The following DNAH9 variants were observed in gnomAD, a reference collection of about 807,000 sequenced individuals.
DNAH9 encodes DNAH9 variant protein.
In DNAH9, 345 loss-of-function variants were observed where a neutral mutation model predicts 471.6. The observed-to-expected ratio is 0.73, with a 90% CI of 0.67 to 0.80. The LOEUF (loss-of-function observed/expected upper bound fraction) is 0.80. Ranked by LOEUF, DNAH9 falls within the 30% of genes least tolerant of loss-of-function variation. DNAH9 has a pLI of 0.00. For synonymous variants in DNAH9, 2,093 were observed against 2,123.6 expected (o/e 0.99, Z 0.40); for missense variants, 5,407 against 5,609.2 (o/e 0.96, Z 1.15).
chr17:11,903,278 C>T (rs1973475992), intron 60 of DNAH9, among the ~76,000 whole-genome samples: 1 of 151,810 alleles, frequency 6.6e-6, no homozygotes, highest in African/African-American at 2.4e-5. Context: ...GCAGAGGTTG[C>T]AGTGACCCGA....
intron 28 of DNAH9, among the ~76,000 whole-genome samples, chr17:11,732,618 C>T (rs2075286882): frequency 1.4e-5 from 2 of 145,210 alleles, no homozygotes. Context: ...CACATAGCCA[C>T]TTGGGAAAAA....
At chr17:11,870,443 C>T (rs4792189) in intron 51 of DNAH9, among the ~76,000 whole-genome samples, 135,343 of 152,182 alleles carry the variant, frequency 0.89, 60,801 homozygotes, top group Non-Finnish European at 0.94. Flanking sequence ...CCAGCCACCA[C>T]TGAATTACAC....
At chr17:11,807,147 C>A (rs1597673696) in intron 43 of DNAH9, among the ~76,000 whole-genome samples, 1 of 152,002 alleles carries the variant, frequency 6.6e-6, no homozygotes, top group Non-Finnish European at 1.5e-5. Context: ...TAATAAGAAC[C>A]CACAAACCTT....
intron 17 of DNAH9, among the ~76,000 whole-genome samples, chr17:11,672,180 A>G (rs147418366): frequency 7.4e-4 from 113 of 152,100 alleles, no homozygotes; most frequent in African/African-American, 2.4e-3. Context: ...CAGAAGTCCA[A>G]CCCCCTTTTA....
Position 11,632,988 on chromosome 17 carries a change from G to A in DNAH9, c.1635+285G>A, listed in dbSNP as rs142741813. On this transcript the variant is annotated intron_variant, in intron 8 of 68. Coordinates refer to ENST00000262442, the MANE Select transcript of DNAH9 (RefSeq NM_001372.4). ...TAGGTGCCATACCTTTAGCAGTAGG[G>A]AAAGTGTGACCATGCAATACCATGG... Among the ~76,000 whole-genome samples, 524 of 152,216 alleles carry A rather than the reference G, an allele frequency of 3.4e-3. 4 individuals carry two copies. The highest frequency in any genetic ancestry group is 0.012 in the African/African-American group (483 of 41,534).
At chr17:11,946,620 C>A (rs1381656484) in intron 67 of DNAH9, among the ~76,000 whole-genome samples, 1 of 144,818 alleles carries the variant, frequency 6.9e-6, no homozygotes, top group African/African-American at 2.6e-5. Context: ...GCCAAGATGC[C>A]ACCACTGCAC....
chr17:11,820,468 C>A (rs1970269216), intron 45 of DNAH9, among the ~76,000 whole-genome samples: 2 of 151,742 alleles, frequency 1.3e-5, no homozygotes, highest in African/African-American at 4.8e-5. Flanking sequence ...ATTGACTGTC[C>A]TTGTTCGTTA....
chr17:11,900,964 T>C (rs767154774), intron 59 of DNAH9, among the ~76,000 whole-genome samples: 1 of 152,168 alleles, frequency 6.6e-6, no homozygotes, highest in Non-Finnish European at 1.5e-5. Context: ...AAAATACAGT[T>C]CCAACATCAA....
intron 63 of DNAH9, among the ~76,000 whole-genome samples, chr17:11,931,345 T>A (rs773666684): frequency 2.6e-5 from 4 of 152,214 alleles, no homozygotes; most frequent in Non-Finnish European, 5.9e-5. Context: ...GCAGGTTATT[T>A]GAGATGGGCC....
chr17:11,733,490 C>T (rs910768260), intron 28 of DNAH9, among the ~76,000 whole-genome samples: 3 of 152,140 alleles, frequency 2.0e-5, no homozygotes, highest in Admixed American at 6.5e-5. Context: ...TATGGTCAGA[C>T]GGGCACACAA....
At chr17:11,801,781 G>A (rs899567192) in intron 43 of DNAH9, among the ~76,000 whole-genome samples, 2 of 152,086 alleles carry the variant, frequency 1.3e-5, no homozygotes, top group African/African-American at 4.8e-5. Context: ...TCATAGTCTT[G>A]GAATTGAGGC....
chr17:11,766,821 G>A (rs996057908), intron 36 of DNAH9, among the ~76,000 whole-genome samples: 12 of 151,926 alleles, frequency 7.9e-5, no homozygotes, highest in African/African-American at 1.7e-4. Flanking sequence ...AAAATTAGCC[G>A]GGCTTGGGCA....
intron 7 of DNAH9, 32 bp downstream of exon 7, chr17:11,629,616 T>G: frequency 1.2e-6 from 2 of 1,601,916 alleles, no homozygotes; most frequent in Non-Finnish European, 1.7e-6. Context: ...TCGCCAGCTC[T>G]GCCTCTGTCC....
intron 49 of DNAH9, 103 bp downstream of exon 49, chr17:11,835,001 T>C: frequency 7.0e-7 from 1 of 1,433,070 alleles, no homozygotes; most frequent in Non-Finnish European, 9.3e-7. Flanking sequence ...TGGGAGAGTT[T>C]AGGGTGGGCT....
intron 67 of DNAH9, among the ~76,000 whole-genome samples, chr17:11,943,176 G>A (rs996189452): frequency 1.1e-4 from 16 of 151,944 alleles, no homozygotes; most frequent in Non-Finnish European, 1.6e-4. Flanking sequence ...TTATAGGTGT[G>A]AGCCACTGCA....
At chr17:11,679,712 A>T in intron 17 of DNAH9, 45 bp from the exon 18 acceptor site, 1 of 1,365,448 alleles carries the variant, frequency 7.3e-7, no homozygotes, top group African/African-American at 1.4e-5. Context: ...GCCTTTCGAG[A>T]AGTAGAACGA....
At chr17:11,675,287 T>C (rs1035316546) in intron 17 of DNAH9, among the ~76,000 whole-genome samples, 4 of 152,200 alleles carry the variant, frequency 2.6e-5, no homozygotes, top group African/African-American at 9.6e-5. Context: ...ATTGATTTCA[T>C]ATCACGCAAT....
chr17:11,768,650 G>A, intron 37 of DNAH9, 24 bp downstream of exon 37: 1 of 1,608,888 alleles, frequency 6.2e-7, no homozygotes, highest in Non-Finnish European at 8.5e-7. Flanking sequence ...AGCAGCCGAG[G>A]ACGTGCGTGC....
chr17:11,830,344 G>T (rs150618857), intron 48 of DNAH9, among the ~76,000 whole-genome samples: 5 of 152,320 alleles, frequency 3.3e-5, no homozygotes, highest in African/African-American at 1.2e-4. Flanking sequence ...TTGGATAGAA[G>T]AAATGTTTAT....
Sources: allele counts gnomAD v4.1 joint callset (sites outside exome capture counted in the v4.1 genomes callset), GRCh38; gene constraint gnomAD v4.1.1; transcripts MANE v1.5; gene names NCBI Gene and HGNC (gene_info 2026-07-23, HGNC 2026-07-21).